The following LIFR variants were observed in gnomAD, a reference collection of about 807,000 sequenced individuals.
The protein encoded by LIFR is leukemia inhibitory factor receptor.
In LIFR, 84 loss-of-function variants were observed where a neutral mutation model predicts 122.2. That is an observed-to-expected ratio of 0.69 (90% CI 0.58 to 0.82). The LOEUF (loss-of-function observed/expected upper bound fraction) is 0.82. Ranked by LOEUF, LIFR falls within the 40% of genes least tolerant of loss-of-function variation. The probability of loss-of-function intolerance (pLI) is 0.00; values close to 1 mark genes in which losing one functional copy is unlikely to be tolerated. For missense variants in LIFR, 1,294 were observed against 1,311.6 expected (o/e 0.99, Z 0.21); for synonymous variants, 422 against 434.7 (o/e 0.97, Z 0.36).
chr5:38,593,158 G>C (rs1229164582), intron 1 of LIFR, among the ~76,000 whole-genome samples: 2 of 152,020 alleles, frequency 1.3e-5, no homozygotes, highest in Non-Finnish European at 2.9e-5. Context: ...AGCCGAGGTC[G>C]AGCCACTGCA....
chr5:38,492,187 T>C (rs1256580474), intron 14 of LIFR, among the ~76,000 whole-genome samples: 1 of 152,208 alleles, frequency 6.6e-6, no homozygotes, highest in Admixed American at 6.5e-5. Context: ...CACATACTAA[T>C]TTTGTGACCT....
intron 16 of LIFR, 65 bp from the exon 17 acceptor site, chr5:38,486,045 A>C: frequency 1.4e-6 from 2 of 1,440,020 alleles, no homozygotes; most frequent in Non-Finnish European, 9.7e-7. Flanking sequence ...GGTTACCCAC[A>C]CCTGTCTCAC....
At chr5:38,588,346 G>A (rs1749815729) in intron 1 of LIFR, among the ~76,000 whole-genome samples, 1 of 152,172 alleles carries the variant, frequency 6.6e-6, no homozygotes, top group Admixed American at 6.5e-5. Flanking sequence ...AAGGAAGGAA[G>A]GGGAGAAGAA....
intron 3 of LIFR, 125 bp from the exon 4 acceptor site, chr5:38,527,419 G>T: frequency 3.1e-6 from 2 of 651,714 alleles, no homozygotes; most frequent in Non-Finnish European, 5.4e-6. Context: ...AACATGATAG[G>T]TTGTACCGCA....
chr5:38,496,839 T>C (rs563821481), intron 12 of LIFR, among the ~76,000 whole-genome samples: 1 of 151,410 alleles, frequency 6.6e-6, no homozygotes, highest in Non-Finnish European at 1.5e-5. Flanking sequence ...TAACCAGGTG[T>C]GGTGGTGAGC....
chr5:38,566,575 A>G (rs1261899319), intron 1 of LIFR, among the ~76,000 whole-genome samples: 1 of 152,212 alleles, frequency 6.6e-6, no homozygotes, highest in Non-Finnish European at 1.5e-5. Flanking sequence ...CTAATCACAG[A>G]AGGTTGGATA....
chr5:38,548,867 T>C (rs1748038783), intron 1 of LIFR, among the ~76,000 whole-genome samples: 1 of 152,168 alleles, frequency 6.6e-6, no homozygotes, highest in Non-Finnish European at 1.5e-5. Flanking sequence ...CGTAACAGTT[T>C]GATAAAACTT....
chr5:38,520,063 T>C (rs1746318583), intron 5 of LIFR, among the ~76,000 whole-genome samples: 1 of 152,208 alleles, frequency 6.6e-6, no homozygotes, highest in Admixed American at 6.5e-5. Context: ...TCCATAGTAG[T>C]TGTACTAATT....
At chr5:38,601,066 A>G (rs1750213821) in intron 2 of LIFR, among the ~76,000 whole-genome samples, 1 of 152,042 alleles carries the variant, frequency 6.6e-6, no homozygotes, top group South Asian at 2.1e-4. Context: ...TGTCTATCTC[A>G]TGATTTCGCT....
chr5:38,578,340 GGTATTAC>G (rs1749464017), intron 1 of LIFR, among the ~76,000 whole-genome samples: 2 of 150,756 alleles, frequency 1.3e-5, no homozygotes, highest in Non-Finnish European at 3.0e-5. Context: ...CTGAGTAGCT[GGTATTAC>G]AGGCATGGAC....
intron 1 of LIFR, among the ~76,000 whole-genome samples, chr5:38,556,116 C>G (rs1748517683): frequency 6.6e-6 from 1 of 152,174 alleles, no homozygotes; most frequent in African/African-American, 2.4e-5. Flanking sequence ...GGCAGAAGTT[C>G]TGGGCGCTGG....
rs1745821402 is a variant in LIFR, at chr5:38,511,858, T to C, written c.668A>G (p.Tyr223Cys). Reference protein sequence around the residue: ...CAIHFVEIRCYIDNLHFSGLE... With the variant: ...CAIHFVEIRCCIDNLHFSGLE... The stretch of plus-strand genomic sequence containing the variant: ...ACCAGAAAAATGAAGATTGTCAATG[T>C]AGCATCTAATTTCCACAAAATGAAT... The change falls in exon 6 of 20, where the codon TAC (tyrosine) becomes TGC (cysteine). Residue 223 changes from tyrosine (Y) to cysteine (C), a missense_variant. Tyr to Cys is a radical substitution (Grantham distance 194, BLOSUM62 -2). Coordinates refer to ENST00000453190, the MANE Select transcript of LIFR (RefSeq NM_001127671.2). 1 of 1,614,140 alleles carries C rather than the reference T, an allele frequency of 6.2e-7. No individual in the cohort carries two copies. The highest frequency in any genetic ancestry group is 8.5e-7 in the Non-Finnish European group (1 of 1,179,974).
chr5:38,536,052 T>G (rs1747280017), intron 1 of LIFR, among the ~76,000 whole-genome samples: 1 of 152,222 alleles, frequency 6.6e-6, no homozygotes, highest in African/African-American at 2.4e-5. Context: ...CATCGTATCT[T>G]TATCTTTGGT....
chr5:38,566,870 AAG>A (rs1392181248), intron 1 of LIFR, among the ~76,000 whole-genome samples: 1 of 152,196 alleles, frequency 6.6e-6, no homozygotes, highest in African/African-American at 2.4e-5. Context: ...TCTAAAAAAA[AAG>A]AAGAAAATCC....
chr5:38,481,903 C>A lies in LIFR; in HGVS notation c.2986G>T (p.Val996Leu). 1 of 1,614,160 alleles carries A rather than the reference C, an allele frequency of 6.2e-7. No homozygotes were observed. Among genetic ancestry groups the A allele is most frequent in the South Asian group, 1.1e-5 (1 of 91,082 alleles). Reference sequence around the variant, plus strand: ...TGTGGCTTATAGCCTGCCCCTCCTACAGGGTCATTTTCTTGTTCTTCTTCT... The same window carrying A: ...TGTGGCTTATAGCCTGCCCCTCCTAAAGGGTCATTTTCTTGTTCTTCTTCT... ...KPEEEQENDPVGGAGYKPQMH... is the reference protein window; with the variant it reads ...KPEEEQENDPLGGAGYKPQMH... The change falls in exon 20 of 20, where the codon GTA (valine) becomes TTA (leucine). Residue 996 changes from valine to leucine, a missense_variant. Transcript: ENST00000453190.
chr5:38,518,070 T>C (rs1207978606), intron 5 of LIFR, among the ~76,000 whole-genome samples: 1 of 151,456 alleles, frequency 6.6e-6, no homozygotes, highest in Non-Finnish European at 1.5e-5. Context: ...TATATGATCA[T>C]GCCACTGTAC....
chr5:38,516,177 T>C (rs993760055), intron 5 of LIFR, among the ~76,000 whole-genome samples: 4 of 152,196 alleles, frequency 2.6e-5, no homozygotes, highest in African/African-American at 9.7e-5. Context: ...ATGAGCTATA[T>C]GGTTTTAGCC....
chr5:38,520,358 G>A (rs1196046935), intron 5 of LIFR, among the ~76,000 whole-genome samples: 2 of 152,072 alleles, frequency 1.3e-5, no homozygotes, highest in Non-Finnish European at 2.9e-5. Flanking sequence ...GGTAGGTTCT[G>A]GATATTCGTC....
rs907929720 is a variant in LIFR, at chr5:38,478,316, GAA to G, written c.*3277_*3278del. The G allele has an allele frequency of 2.4e-5, 5 of 204,758 alleles. No individual in the cohort carries two copies. Among genetic ancestry groups the G allele is most frequent in the African/African-American group, 1.1e-4 (5 of 43,720 alleles). 12.7% of individuals were successfully genotyped at this position (204,758 alleles called of 1,614,324 possible). ...GTAATCTTTCAGATCCACGAGCGGT[GAA>G]AGTAATGCTGGTTTGGAAAATGAGG... On this transcript the variant is annotated 3_prime_UTR_variant, in exon 20 of 20. Transcript: ENST00000453190.
Sources: gnomAD v4.1 joint callset for allele counts (sites outside exome capture counted in the v4.1 genomes callset) on GRCh38, gnomAD v4.1.1 for gene constraint, MANE v1.5 for transcripts, NCBI Gene and HGNC (gene_info 2026-07-23, HGNC 2026-07-21) for gene names.